DPP9: variants seen among roughly 807,000 people sequenced by gnomAD.
The protein encoded by DPP9 is dipeptidyl peptidase 9, also known as dipeptidyl peptidase IV-related protein-2.
A neutral mutation model predicts 110.7 loss-of-function variants in DPP9; 50 were observed. The observed-to-expected ratio is 0.45, with a 90% CI of 0.36 to 0.57. The LOEUF is 0.57. Among genes scored for constraint, DPP9 ranks in the 20% least tolerant of loss-of-function variants. DPP9 has a pLI of 0.00. For synonymous variants in DPP9, 561 were observed against 514.4 expected, an observed-to-expected ratio of 1.09 and a Z score of -1.23; for missense variants, 1,022 against 1,217.9, an observed-to-expected ratio of 0.84 and a Z score of 2.39.
At chr19:4,696,621 T>C (rs985352421) in intron 11 of DPP9, among the ~76,000 whole-genome samples, 1 of 151,994 alleles carries the variant, frequency 6.6e-6, no homozygotes, top group Admixed American at 6.6e-5. Flanking sequence ...TGGCTGGGCA[T>C]GGTGGCACGT....
chr19:4,719,889 T>C lies in DPP9; in HGVS notation c.18A>G (p.Lys6=), dbSNP rs1232898850. Residue 6 remains lysine, a synonymous_variant, in exon 3 of 22, where the codon AAA becomes AAG. Coordinates refer to ENST00000262960, the MANE Select transcript of DPP9 (RefSeq NM_139159.5). ...CGGTGTTCTCCTTGTCCAGGCGCAG[T>C]TTCTTAACCTTCCGCATTAACCGCT... MRKVK[K]LRLDKENTGS... is the part of the protein sequence containing the mutation. 5 of 1,551,598 alleles carry C rather than the reference T, an allele frequency of 3.2e-6. No individual in the cohort carries two copies. The highest frequency in any genetic ancestry group is 3.9e-5 in the Admixed American group (2 of 50,994).
chr19:4,683,729 A>G (rs765662656), intron 18 of DPP9, 100 bp from the exon 19 acceptor site: 13 of 1,610,098 alleles, frequency 8.1e-6, no homozygotes, highest in Admixed American at 1.7e-5. Context: ...TCCCTCTTGG[A>G]TGAAAAGTGG....
intron 4 of DPP9, 137 bp from the exon 5 acceptor site, chr19:4,706,107 C>T (rs1001798806): frequency 3.0e-5 from 20 of 676,968 alleles, no homozygotes; most frequent in African/African-American, 7.3e-5. Flanking sequence ...CAGCCCTCCC[C>T]GGAAAGCTAT....
chr19:4,706,061 C>G, intron 4 of DPP9, 91 bp from the exon 5 acceptor site: 2 of 1,159,144 alleles, frequency 1.7e-6, no homozygotes, highest in Non-Finnish European at 2.5e-6. Flanking sequence ...CTGGTTCCCT[C>G]TGCTTCTAGA....
chr19:4,697,442 G>T, intron 11 of DPP9, 109 bp downstream of exon 11: 1 of 915,150 alleles, frequency 1.1e-6, no homozygotes, highest in Non-Finnish European at 1.7e-6. Flanking sequence ...GCGGGAAGAC[G>T]TGAGCAGATG....
chr19:4,690,488 G>A (rs545899592), intron 14 of DPP9, among the ~76,000 whole-genome samples: 230 of 152,328 alleles, frequency 1.5e-3, no homozygotes, highest in Non-Finnish European at 2.6e-3. Context: ...GCTTCCAGTC[G>A]GGGGAGCATC....
chr19:4,701,880 A>T, intron 9 of DPP9, 147 bp downstream of exon 9: 1 of 1,151,930 alleles, frequency 8.7e-7, no homozygotes. Flanking sequence ...CGGCCCCTGC[A>T]GGGCAGAAGC....
rs935404262 is a variant in DPP9 at position 4,693,476 on chromosome 19, T to C, written c.1516+1185A>G. The stretch of plus-strand genomic sequence containing the variant: ...ACCCGACTCTGGATTTTTTCTCTCC[T>C]AGAACAGTCCCTCTCTGAGTCTGTC... On this transcript the variant is annotated intron_variant, in intron 13 of 21. Transcript: ENST00000262960. The surrounding 1 kb of genome is among the most constrained non-coding windows in gnomAD (Gnocchi z 5.0). 2.6e-5 allele frequency among the ~76,000 whole-genome samples: 4 copies of C among 152,128 alleles called. No individual in the cohort carries two copies. The East Asian group carries it at 7.7e-4, about 29-fold the overall frequency.
At chr19:4,706,238 T>C (rs909130031) in intron 4 of DPP9, among the ~76,000 whole-genome samples, 1 of 151,030 alleles carries the variant, frequency 6.6e-6, no homozygotes, top group African/African-American at 2.4e-5. Context: ...GGCTCTTGTT[T>C]GTAATCCCAG....
rs2092498471 is a variant in DPP9 at position 4,704,875 on chromosome 19, T to C, written c.427-571A>G. On this transcript the variant is annotated intron_variant, in intron 5 of 21. Transcript: ENST00000262960. This position sits in a 1 kb window ranked among gnomAD's most constrained non-coding sequence, Gnocchi z 6.0. ...TTAGCCGGGTGTGGTGGCACGCGCC[T>C]GTAGTCCCAGCTACTTGGGACGCTG... 1.3e-5 allele frequency among the ~76,000 whole-genome samples: 2 copies of C among 152,146 alleles called. No individual in the cohort carries two copies. Among genetic ancestry groups the C allele is most frequent in the Non-Finnish European group, 2.9e-5 (2 of 68,026 alleles).
chr19:4,698,975 G>A lies in DPP9; in HGVS notation c.1074+1241C>T, dbSNP rs1449002912. Among the ~76,000 whole-genome samples, 2 of 151,818 alleles carry A rather than the reference G, an allele frequency of 1.3e-5. No homozygotes were observed. Among genetic ancestry groups the A allele is most frequent in the South Asian group, 2.1e-4 (1 of 4,786 alleles). ...AGATTGAGACCGTCCTGGCTAACAC[G>A]GTGAAACCCCGTCTCTAATAAAAAA... is the stretch of plus-strand genomic sequence containing the variant. On this transcript the variant is annotated intron_variant, in intron 10 of 21. Transcript: ENST00000262960. This position sits in a 1 kb window ranked among gnomAD's most constrained non-coding sequence, Gnocchi z 4.2.
chr19:4,702,283 C>T, intron 8 of DPP9, 128 bp from the exon 9 acceptor site: 2 of 1,281,654 alleles, frequency 1.6e-6, no homozygotes, highest in Middle Eastern at 2.5e-4. Context: ...AGAACCCCGG[C>T]TCTGCCATTC....
Position 4,685,933 on chromosome 19 carries a change from T to A in DPP9, c.1886-162A>T. The A allele has an allele frequency of 1.3e-6, 1 of 758,276 alleles. No homozygotes were observed. Among genetic ancestry groups the A allele is most frequent in the African/African-American group, 1.8e-5 (1 of 56,602 alleles). 47.0% of individuals were successfully genotyped at this position (758,276 alleles called of 1,614,324 possible). A position where few individuals can be genotyped will look rare whatever the true frequency, so the allele number is the denominator to read the frequency against. On this transcript the variant is annotated intron_variant, in intron 16 of 21. Transcript: ENST00000262960. This position sits in a 1 kb window ranked among gnomAD's most constrained non-coding sequence, Gnocchi z 5.8. Reference sequence around the variant, plus strand: ...ATTGAAAAAAACGTTTTTTTTTCATTAAATAAGATTTGTACAGTTTTTGTA... The same window carrying A: ...ATTGAAAAAAACGTTTTTTTTTCATAAAATAAGATTTGTACAGTTTTTGTA...
intron 20 of DPP9, 114 bp from the exon 21 acceptor site, chr19:4,680,060 T>C (rs941206070): frequency 8.5e-5 from 59 of 694,764 alleles, no homozygotes; most frequent in Non-Finnish European, 7.5e-6. Context: ...TGAAACCCTG[T>C]CTCTACTAAA....
At chr19:4,706,866 C>T (rs2092610191) in intron 4 of DPP9, among the ~76,000 whole-genome samples, 2 of 152,166 alleles carry the variant, frequency 1.3e-5, no homozygotes, top group Admixed American at 1.3e-4. Flanking sequence ...CCCAACCTCG[C>T]CCCTAATTAC....
At chr19:4,683,158 G>GC (rs755677475) in intron 19 of DPP9, 70 of 1,430,468 alleles carry the variant, frequency 4.9e-5, no homozygotes, top group Admixed American at 7.1e-5. Context: ...CCGGCCTGGG[G>GC]CCCCCCCGCC....
In DPP9 at chr19:4,694,757, TG is replaced by T; in HGVS notation, c.1419del (p.Asn474MetfsTer17). On this transcript the variant is annotated frameshift_variant, in exon 13 of 22. Coordinates refer to ENST00000262960, the MANE Select transcript of DPP9 (RefSeq NM_139159.5). LOFTEE classifies it high-confidence loss of function. The surrounding 1 kb of genome is among the most constrained non-coding windows in gnomAD (Gnocchi z 4.0). ...TGGCAGAAGCCGGTCTTGCATTCAT[TG>T]GCGCGGAGAAAGCAGAGCTCGTCCT... Reference protein sequence around the residue: ...EGEDELCFLRANECKTGFCHL... With the variant: ...EGEDELCFLRXNECKTGFCHL... 6.2e-7 allele frequency: 1 copy of T among 1,613,910 alleles called. No homozygotes were observed.
chr19:4,712,812 C>T (rs367783996), intron 4 of DPP9, among the ~76,000 whole-genome samples: 20 of 152,202 alleles, frequency 1.3e-4, no homozygotes, highest in Admixed American at 6.5e-4. Flanking sequence ...AGAGGGACTG[C>T]GCTGATGGCG....
At chr19:4,686,070 AGTT>A (rs1351822608) in intron 16 of DPP9, 3 of 236,418 alleles carry the variant, frequency 1.3e-5, no homozygotes, top group African/African-American at 2.3e-5. Context: ...GCAAAGCAAC[AGTT>A]GTTGTCCAAT....
Sources: allele counts gnomAD v4.1 joint callset (sites outside exome capture counted in the v4.1 genomes callset), GRCh38; gene constraint gnomAD v4.1.1; non-coding constraint Gnocchi (gnomAD v3.1); transcripts MANE v1.5; gene names NCBI Gene and HGNC (gene_info 2026-07-23, HGNC 2026-07-21).